The following DROSHA variants were observed in gnomAD, a reference collection of about 807,000 sequenced individuals.
DROSHA encodes the protein ribonuclease 3.
A neutral mutation model predicts 181.9 loss-of-function variants in DROSHA; 56 were observed. The ratio of observed to expected loss-of-function variants is 0.31; its 90% confidence interval spans 0.25 to 0.38. The LOEUF (loss-of-function observed/expected upper bound fraction) is 0.38. Among genes scored for constraint, DROSHA ranks in the 10% least tolerant of loss-of-function variants. DROSHA has a pLI of 1.00. For synonymous variants in DROSHA, 524 were observed against 591.2 expected, an observed-to-expected ratio of 0.89 and a Z score of 1.65; for missense variants, 1,218 against 1,743.5, an observed-to-expected ratio of 0.70 and a Z score of 5.37.
At position 31,411,009 on chromosome 5, in the gene DROSHA, C is replaced by CACT; in HGVS notation, c.3526-123_3526-122insAGT. 7.2e-7 allele frequency: 1 copy of CACT among 1,397,990 alleles called. No homozygotes were observed. Among genetic ancestry groups the CACT allele is most frequent in the Non-Finnish European group, 9.7e-7 (1 of 1,027,258 alleles). The allele number at this position is 1,397,990 out of a possible 1,614,324, so 86.6% of individuals were successfully genotyped here. On this transcript the variant is annotated intron_variant, in intron 30 of 35. Coordinates refer to ENST00000344624, the MANE Select transcript of DROSHA (RefSeq NM_001382508.1). This position sits in a 1 kb window ranked among gnomAD's most constrained non-coding sequence, Gnocchi z 4.2. Reference sequence around the variant, plus strand: ...ACAGGGACACCAAAATAAGTGAGGTCTATGGCCTCAACCATCACCCAGATG... The same window carrying CACT: ...ACAGGGACACCAAAATAAGTGAGGTCACTTATGGCCTCAACCATCACCCAGATG...
At chr5:31,435,921 GCT>G in intron 24 of DROSHA, 57 bp from the exon 25 acceptor site, 1 of 1,509,610 alleles carries the variant, frequency 6.6e-7, no homozygotes, top group South Asian at 1.2e-5. Context: ...TCTGTCTGTG[GCT>G]CTGAGTCACA....
chr5:31,498,856 CA>C (rs199855344), intron 11 of DROSHA, among the ~76,000 whole-genome samples: 200 of 139,914 alleles, frequency 1.4e-3, no homozygotes, highest in Middle Eastern at 3.7e-3. Context: ...AACTCTGTAT[CA>C]AAAAAAAAAA....
chr5:31,451,958 C>T (rs889530185), intron 20 of DROSHA, among the ~76,000 whole-genome samples: 1 of 152,196 alleles, frequency 6.6e-6, no homozygotes, highest in Non-Finnish European at 1.5e-5. Context: ...AATATACCTA[C>T]TTCCGAGGAT....
At chr5:31,524,455 A>T (rs1467420969) in intron 5 of DROSHA, among the ~76,000 whole-genome samples, 2 of 152,202 alleles carry the variant, frequency 1.3e-5, no homozygotes, top group African/African-American at 4.8e-5. Flanking sequence ...TCCACAAGAC[A>T]ACGAAGGTAA....
intron 16 of DROSHA, 104 bp from the exon 17 acceptor site, chr5:31,472,336 G>C: frequency 7.7e-7 from 1 of 1,302,838 alleles, no homozygotes; most frequent in Non-Finnish European, 1.0e-6. Flanking sequence ...GGAGGAAAAA[G>C]AGCACATACA....
At position 31,409,479 on chromosome 5, in the gene DROSHA, C is replaced by G; in HGVS notation, c.3668-147G>C. On this transcript the variant is annotated intron_variant, in intron 31 of 35. Coordinates refer to ENST00000344624, the MANE Select transcript of DROSHA (RefSeq NM_001382508.1). The surrounding 1 kb of genome is among the most constrained non-coding windows in gnomAD (Gnocchi z 4.0). Reference sequence around the variant, plus strand: ...TTTCAGTGCTACCATTTCATCTTCCCCCACTTTTTATCATTAATATCAGAA... The same window carrying G: ...TTTCAGTGCTACCATTTCATCTTCCGCCACTTTTTATCATTAATATCAGAA... 3.0e-6 allele frequency: 2 copies of G among 670,596 alleles called. No homozygotes were observed. Among genetic ancestry groups the G allele is most frequent in the Non-Finnish European group, 5.1e-6 (2 of 393,104 alleles). 41.5% of individuals were successfully genotyped at this position (670,596 alleles called of 1,614,324 possible).
At chr5:31,453,675 G>C (rs779042258) in intron 20 of DROSHA, among the ~76,000 whole-genome samples, 1 of 152,072 alleles carries the variant, frequency 6.6e-6, no homozygotes, top group Non-Finnish European at 1.5e-5. Flanking sequence ...ATGTAAAACA[G>C]CTTTGAATCC....
At chr5:31,524,349 A>G (rs867499345) in intron 5 of DROSHA, among the ~76,000 whole-genome samples, 12 of 152,214 alleles carry the variant, frequency 7.9e-5, no homozygotes, top group Admixed American at 1.3e-4. Flanking sequence ...TGGTTCCTAA[A>G]TCAGCTGCAG....
intron 23 of DROSHA, among the ~76,000 whole-genome samples, chr5:31,442,722 A>T (rs891639641): frequency 6.6e-6 from 1 of 152,010 alleles, no homozygotes; most frequent in African/African-American, 2.4e-5. Context: ...CCAAGCCTCA[A>T]GCAGTGACTC....
intron 13 of DROSHA, among the ~76,000 whole-genome samples, chr5:31,491,892 TCAAATGATTCTTGTGCCTCAA>T (rs1454749719): frequency 6.6e-6 from 1 of 152,198 alleles, no homozygotes; most frequent in East Asian, 1.9e-4. Flanking sequence ...CCTCCCAGGT[TCAAATGATTCTTGTGCCTCAA>T]CCTCTCAAGT....
At chr5:31,495,199 T>G in intron 12 of DROSHA, 87 bp downstream of exon 12, 8 of 1,393,552 alleles carry the variant, frequency 5.7e-6, no homozygotes, top group South Asian at 1.3e-5. Flanking sequence ...TAAGAACATT[T>G]GAGAACAGAA....
At position 31,524,023 on chromosome 5, in the gene DROSHA, A is replaced by G. The variant is rs1400553113; in HGVS notation, c.854+2056T>C. On this transcript the variant is annotated intron_variant, in intron 5 of 35. Transcript: ENST00000344624. ...ACAAAAAAAAAACTATCACATGCCT[A>G]TGCCTTTGCCAACTAGTCCATCACA... Among the ~76,000 whole-genome samples, 5 of 151,358 alleles carry G rather than the reference A, an allele frequency of 3.3e-5. No individual in the cohort carries two copies. The East Asian group carries it at 9.7e-4, about 29-fold the overall frequency.
At chr5:31,475,359 T>G (rs1750246989) in intron 16 of DROSHA, among the ~76,000 whole-genome samples, 2 of 152,170 alleles carry the variant, frequency 1.3e-5, no homozygotes, top group African/African-American at 4.8e-5. Flanking sequence ...CCAATCCACC[T>G]GCTTGTGACA....
intron 18 of DROSHA, 153 bp downstream of exon 18, chr5:31,467,786 A>T (rs1749256994): frequency 1.0e-6 from 1 of 972,726 alleles, no homozygotes; most frequent in Non-Finnish European, 1.5e-6. Flanking sequence ...GAGCTACCAC[A>T]ATTGTTTCAT....
intron 20 of DROSHA, among the ~76,000 whole-genome samples, chr5:31,462,322 A>C (rs1748496479): frequency 6.6e-6 from 1 of 152,186 alleles, no homozygotes; most frequent in African/African-American, 2.4e-5. Flanking sequence ...CATGGCTTCT[A>C]AACAGATGGC....
At chr5:31,524,830 G>A (rs1040634770) in intron 5 of DROSHA, among the ~76,000 whole-genome samples, 2 of 152,138 alleles carry the variant, frequency 1.3e-5, no homozygotes, top group African/African-American at 2.4e-5. Flanking sequence ...ATGTAATATA[G>A]AATGAAACAG....
At chr5:31,503,009 TG>T (rs1282879003) in intron 11 of DROSHA, among the ~76,000 whole-genome samples, 3 of 152,008 alleles carry the variant, frequency 2.0e-5, no homozygotes, top group Non-Finnish European at 4.4e-5. Flanking sequence ...GAGAAGGTCT[TG>T]GGGTAGAGAC....
chr5:31,478,681 C>G (rs140560383), intron 16 of DROSHA, among the ~76,000 whole-genome samples: 9 of 151,986 alleles, frequency 5.9e-5, no homozygotes, highest in African/African-American at 2.2e-4. Flanking sequence ...TTGCAGTGAG[C>G]CGAGATGGCA....
chr5:31,436,751 C>G (rs775416099), intron 24 of DROSHA, among the ~76,000 whole-genome samples: 1 of 41,792 alleles, frequency 2.4e-5, no homozygotes, highest in South Asian at 7.2e-4. Context: ...AACACACACA[C>G]ACACACACAC....
Sources: allele counts gnomAD v4.1 joint callset (sites outside exome capture counted in the v4.1 genomes callset), GRCh38; gene constraint gnomAD v4.1.1; non-coding constraint Gnocchi (gnomAD v3.1); transcripts MANE v1.5; gene names NCBI Gene and HGNC (gene_info 2026-07-23, HGNC 2026-07-21).